The following RGS14 variants were observed in gnomAD, a reference collection of about 807,000 sequenced individuals.
RGS14 encodes the protein regulator of G-protein signaling 14.
Under a neutral mutation model 63.8 loss-of-function variants are expected in RGS14, and 33 were observed. That is an observed-to-expected ratio of 0.52 (90% CI 0.39 to 0.69). The LOEUF is 0.69. Among genes scored for constraint, RGS14 ranks in the 30% least tolerant of loss-of-function variants. RGS14 has a pLI of 0.00. For synonymous variants in RGS14, 296 were observed against 320.9 expected (o/e 0.92, Z 0.83); for missense variants, 739 against 742.9 (o/e 0.99, Z 0.06).
intron 9 of RGS14, among the ~76,000 whole-genome samples, chr5:177,369,495 A>G (rs1234294916): frequency 2.6e-5 from 4 of 152,130 alleles, no homozygotes; most frequent in African/African-American, 7.2e-5. Flanking sequence ...AGGAACCTAG[A>G]TCTGGGGCTG....
chr5:177,367,102 G>A (rs1260659065), intron 5 of RGS14, 68 bp downstream of exon 5: 1 of 1,532,872 alleles, frequency 6.5e-7, no homozygotes, highest in African/African-American at 1.4e-5. Context: ...TCGGACCCTG[G>A]CGGGGAGTCT....
In RGS14 at chr5:177,371,537, G is replaced by A. The variant is rs767395236; in HGVS notation, c.1446G>A (p.Leu482=). ...THPPPASPSS[L]VKVPSSATGK... is the part of the protein sequence containing the mutation. ...CCCCTCCAGCGTCCCCCAGTTCTCT[G>A]GTGAAGGTGCCCAGTAGTGCCACTG... The change falls in exon 14 of 15, where the codon CTG becomes CTA. Residue 482 remains leucine (L), a synonymous_variant. Coordinates refer to ENST00000408923, the MANE Select transcript of RGS14 (RefSeq NM_006480.5). The surrounding 1 kb of genome is among the most constrained non-coding windows in gnomAD (Gnocchi z 6.1). 1.9e-6 allele frequency: 3 copies of A among 1,614,148 alleles called. No individual in the cohort carries two copies. Among genetic ancestry groups the A allele is most frequent in the Admixed American group, 3.3e-5 (2 of 60,014 alleles).
Position 177,368,197 on chromosome 5 carries a change from T to C in RGS14, c.780T>C (p.Ser260=), listed in dbSNP as rs756862363. 5.0e-6 allele frequency: 8 copies of C among 1,614,014 alleles called. No individual in the cohort carries two copies. Among genetic ancestry groups the C allele is most frequent in the Non-Finnish European group, 6.8e-6 (8 of 1,179,958 alleles). Residue 260 remains serine (S), a synonymous_variant, in exon 8 of 15, where the codon TCT becomes TCC. Coordinates refer to ENST00000408923, the MANE Select transcript of RGS14 (RefSeq NM_006480.5). The part of the protein sequence containing the change: ...GTANAALRRE[S]QGSLNSSASL... The stretch of plus-strand genomic sequence containing the variant: ...CAAACGCCGCCTTGCGCCGAGAGTC[T>C]CAGGGCTCCCTCAACTCCTCCGCCA...
Position 177,359,384 on chromosome 5 carries a change from G to A in RGS14, c.45+1315G>A, listed in dbSNP as rs910496003. ...ATGTCACAGGCATGACACTTCGCTC[G>A]TCCTTGCCTAGGCGACCGGGCCAGG... On this transcript the variant is annotated intron_variant, in intron 1 of 14. Coordinates refer to ENST00000408923, the MANE Select transcript of RGS14 (RefSeq NM_006480.5). The surrounding 1 kb of genome is among the most constrained non-coding windows in gnomAD (Gnocchi z 4.4). 7.2e-5 allele frequency among the ~76,000 whole-genome samples: 11 copies of A among 152,270 alleles called. No homozygotes were observed. Among genetic ancestry groups the A allele is most frequent in the Admixed American group, 3.9e-4 (6 of 15,302 alleles).
chr5:177,369,251 G>A (rs944695396), intron 9 of RGS14, among the ~76,000 whole-genome samples: 5 of 152,116 alleles, frequency 3.3e-5, no homozygotes, highest in African/African-American at 1.2e-4. Context: ...GGCCATCCGT[G>A]GGGTGCCCTC....
chr5:177,362,617 C>T (rs890665170), intron 1 of RGS14, among the ~76,000 whole-genome samples: 16 of 152,076 alleles, frequency 1.1e-4, no homozygotes, highest in African/African-American at 3.9e-4. Flanking sequence ...AATGGCAAAG[C>T]CGGAAGCAGG....
At position 177,371,103 on chromosome 5, in the gene RGS14, C is replaced by T. The variant is rs1406899547; in HGVS notation, c.1255-62C>T. The T allele has an allele frequency of 2.5e-6, 3 of 1,199,122 alleles. No homozygotes were observed. Among genetic ancestry groups the T allele is most frequent in the Admixed American group, 3.1e-5 (1 of 31,846 alleles). The allele number at this position is 1,199,122 out of a possible 1,614,324, so 74.3% of individuals were successfully genotyped here. A position where few individuals can be genotyped will look rare whatever the true frequency, so the allele number is the denominator to read the frequency against. On this transcript the variant is annotated intron_variant, in intron 11 of 14. Transcript: ENST00000408923. The surrounding 1 kb of genome is among the most constrained non-coding windows in gnomAD (Gnocchi z 6.1). ...GCCGGGGCCGGGGCCGGGGCCGGGGCCGGGGCCGGGGCCGGGGCCGGGCGG... is the reference window on the plus strand; with the variant it reads ...GCCGGGGCCGGGGCCGGGGCCGGGGTCGGGGCCGGGGCCGGGGCCGGGCGG...
At chr5:177,368,353 T>G in intron 8 of RGS14, 87 bp downstream of exon 8, 2 of 1,383,632 alleles carry the variant, frequency 1.4e-6, no homozygotes, top group East Asian at 4.9e-5. Context: ...CATTCCAAGT[T>G]GCTGTCCTTA....
At chr5:177,368,005 T>G in intron 7 of RGS14, 152 bp from the exon 8 acceptor site, 1 of 1,446,286 alleles carries the variant, frequency 6.9e-7, no homozygotes, top group South Asian at 1.4e-5. Context: ...CTCAGACGTT[T>G]GGAAATCTCC....
chr5:177,370,785 G>A (rs1762221590), intron 10 of RGS14, 120 bp from the exon 11 acceptor site: 2 of 902,720 alleles, frequency 2.2e-6, no homozygotes, highest in Admixed American at 4.3e-5. Flanking sequence ...GACAAACCCC[G>A]CCCCCTACAA....
At chr5:177,370,809 T>G in intron 10 of RGS14, 96 bp from the exon 11 acceptor site, 1 of 1,541,004 alleles carries the variant, frequency 6.5e-7, no homozygotes, top group Non-Finnish European at 8.8e-7. Context: ...AGTCCCACCT[T>G]CTGCAGTTCA....
intron 1 of RGS14, among the ~76,000 whole-genome samples, chr5:177,361,312 A>G (rs1236677786): frequency 2.0e-5 from 3 of 152,212 alleles, no homozygotes; most frequent in African/African-American, 7.2e-5. Flanking sequence ...GAAATCCTCA[A>G]GAGGATGGTA....
Position 177,364,477 on chromosome 5 carries a change from C to G in RGS14, c.46-1486C>G, listed in dbSNP as rs767353128. Among the ~76,000 whole-genome samples the G allele has an allele frequency of 6.6e-6, 1 of 152,048 alleles. No homozygotes were observed. Among genetic ancestry groups the G allele is most frequent in the Non-Finnish European group, 1.5e-5 (1 of 68,006 alleles). On this transcript the variant is annotated intron_variant, in intron 1 of 14. Coordinates refer to ENST00000408923, the MANE Select transcript of RGS14 (RefSeq NM_006480.5). This position sits in a 1 kb window ranked among gnomAD's most constrained non-coding sequence, Gnocchi z 4.6. Reference sequence around the variant, plus strand: ...GTGGGACATTTGAGGGGGGACTCGCCCCCCTCCGCTGGGCTGCCTGGCCCT... The same window carrying G: ...GTGGGACATTTGAGGGGGGACTCGCGCCCCTCCGCTGGGCTGCCTGGCCCT...
At position 177,371,427 on chromosome 5, in the gene RGS14, C is replaced by T. The variant is rs2127338599; in HGVS notation, c.1383+31C>T. The stretch of plus-strand genomic sequence containing the variant: ...CGAAAGGCGAGTGGCCTCTTCCACC[C>T]TCTGCTTCTCCCCTCCCGATTTTGG... On this transcript the variant is annotated intron_variant, in intron 13 of 14. Coordinates refer to ENST00000408923, the MANE Select transcript of RGS14 (RefSeq NM_006480.5). This position sits in a 1 kb window ranked among gnomAD's most constrained non-coding sequence, Gnocchi z 6.1. 2.5e-6 allele frequency: 4 copies of T among 1,614,152 alleles called. No individual in the cohort carries two copies. Among genetic ancestry groups the T allele is most frequent in the African/African-American group, 1.3e-5 (1 of 75,044 alleles).
At chr5:177,363,382 G>T (rs1762016904) in intron 1 of RGS14, among the ~76,000 whole-genome samples, 1 of 151,702 alleles carries the variant, frequency 6.6e-6, no homozygotes, top group South Asian at 2.1e-4. Context: ...GCACTAACTC[G>T]CTGCCCTCCA....
chr5:177,365,712 A>T (rs981912669), intron 1 of RGS14, among the ~76,000 whole-genome samples: 1 of 152,230 alleles, frequency 6.6e-6, no homozygotes, highest in Non-Finnish European at 1.5e-5. Context: ...TGGCTCACCC[A>T]GCAGGGGCTG....
In RGS14 at chr5:177,358,941, C is replaced by G. The variant is rs971819370; in HGVS notation, c.45+872C>G. ...TGGGTTCCAGTCCTGGTTCTATTCT[C>G]TCTTACTGGAGGGAGGGTCCTCGCC... On this transcript the variant is annotated intron_variant, in intron 1 of 14. Coordinates refer to ENST00000408923, the MANE Select transcript of RGS14 (RefSeq NM_006480.5). The surrounding 1 kb of genome is among the most constrained non-coding windows in gnomAD (Gnocchi z 4.8). Among the ~76,000 whole-genome samples, 3 of 152,214 alleles carry G rather than the reference C, an allele frequency of 2.0e-5. No individual in the cohort carries two copies. The highest frequency in any genetic ancestry group is 7.2e-5 in the African/African-American group (3 of 41,448).
intron 7 of RGS14, 28 bp downstream of exon 7, chr5:177,367,853 G>A (rs761960955): frequency 6.5e-7 from 1 of 1,540,404 alleles, no homozygotes; most frequent in East Asian, 2.3e-5. Context: ...CAACAGAGAT[G>A]TGGGGAAGGC....
At position 177,358,121 on chromosome 5, in the gene RGS14, G is replaced by A. The variant is rs1486638589; in HGVS notation, c.45+52G>A. 7.0e-6 allele frequency: 9 copies of A among 1,284,654 alleles called. No homozygotes were observed. In the Admixed American group the frequency reaches 1.8e-4, roughly 25 times the overall value. 79.6% of individuals were successfully genotyped at this position (1,284,654 alleles called of 1,614,324 possible). On this transcript the variant is annotated intron_variant, in intron 1 of 14. Coordinates refer to ENST00000408923, the MANE Select transcript of RGS14 (RefSeq NM_006480.5). The surrounding 1 kb of genome is among the most constrained non-coding windows in gnomAD (Gnocchi z 4.8). ...ACGAGGAGGGGGTGGGCACACCCAG[G>A]GTGGAGCCCAGGAGGCACACCCGGC...
Sources: allele counts gnomAD v4.1 joint callset (sites outside exome capture counted in the v4.1 genomes callset), GRCh38; gene constraint gnomAD v4.1.1; non-coding constraint Gnocchi (gnomAD v3.1); transcripts MANE v1.5; gene names NCBI Gene and HGNC (gene_info 2026-07-23, HGNC 2026-07-21).